Variants in MAGI2 observed in about 807,000 individuals in gnomAD.
MAGI2 encodes membrane associated guanylate kinase, WW and PDZ domain containing 2.
Under a neutral mutation model 133.3 loss-of-function variants are expected in MAGI2, and 35 were observed. The observed-to-expected ratio is 0.26, with a 90% CI of 0.20 to 0.35. The LOEUF is 0.35. Among genes scored for constraint, MAGI2 ranks in the 10% least tolerant of loss-of-function variants. The pLI is 1.00. For missense variants in MAGI2, 1,636 were observed against 1,863.4 expected (o/e 0.88, Z 2.25); for synonymous variants, 729 against 710.6 (o/e 1.03, Z -0.41).
Position 78,520,276 on chromosome 7 carries a change from C to A in MAGI2, c.754+1154G>T, listed in dbSNP as rs146296528. ...TTCATCTTATGTTCAATGAAGAACA[C>A]CTTTATAGGCATTTTGAAAAAGGAA... On this transcript the variant is annotated intron_variant, in intron 4 of 21. Transcript: ENST00000354212. Among the ~76,000 whole-genome samples, 200 of 152,192 alleles carry A rather than the reference C, an allele frequency of 1.3e-3. 1 individual carries two copies. Among genetic ancestry groups the A allele is most frequent in the African/African-American group, 4.6e-3 (190 of 41,538 alleles).
At chr7:78,029,924 A>C (rs3807797) in intron 21 of MAGI2, among the ~76,000 whole-genome samples, 101,066 of 152,072 alleles carry the variant, frequency 0.66, 36,497 homozygotes, top group Non-Finnish European at 0.83. Context: ...GGAAGGACAG[A>C]CTTTACCTTT....
chr7:78,268,341 C>T (rs1047279870), intron 9 of MAGI2, among the ~76,000 whole-genome samples: 1 of 152,016 alleles, frequency 6.6e-6, no homozygotes, highest in African/African-American at 2.4e-5. Context: ...CTAATTAAAT[C>T]CTTTCTACTG....
chr7:78,420,034 A>C (rs1798655039), intron 6 of MAGI2, among the ~76,000 whole-genome samples: 1 of 152,126 alleles, frequency 6.6e-6, no homozygotes, highest in African/African-American at 2.4e-5. Flanking sequence ...GTTACTTTGG[A>C]GTTCCTGTTA....
chr7:79,168,935 A>C (rs1461720084), intron 1 of MAGI2, among the ~76,000 whole-genome samples: 2 of 117,874 alleles, frequency 1.7e-5, no homozygotes, highest in Admixed American at 1.8e-4. Context: ...TATATATATA[A>C]ATTTTTTTTC....
chr7:78,393,904 C>T (rs1172342982), intron 6 of MAGI2, among the ~76,000 whole-genome samples: 1 of 152,122 alleles, frequency 6.6e-6, no homozygotes, highest in Non-Finnish European at 1.5e-5. Context: ...GGAGGATAAA[C>T]TGGGGAAGTA....
chr7:79,443,285 C>CGTGTGCGTGTGT (rs1554486116), intron 1 of MAGI2, among the ~76,000 whole-genome samples: 2 of 139,326 alleles, frequency 1.4e-5, no homozygotes, highest in Non-Finnish European at 3.0e-5. Flanking sequence ...TGTGTGTGTG[C>CGTGTGCGTGTGT]GTGTGTGTGT....
At chr7:78,600,371 G>A (rs926145168) in intron 3 of MAGI2, among the ~76,000 whole-genome samples, 2 of 152,068 alleles carry the variant, frequency 1.3e-5, no homozygotes, top group Admixed American at 1.3e-4. Context: ...GAAATCTAGA[G>A]CCTGCATACA....
Position 79,046,902 on chromosome 7 carries a change from T to C in MAGI2, c.302-39696A>G, listed in dbSNP as rs187634311. ...TTATAAGATTCAGCATGTTTCATAA[T>C]ATCCAATTATGTGTTTCATGAAATG... On this transcript the variant is annotated intron_variant, in intron 1 of 21. Transcript: ENST00000354212. Among the ~76,000 whole-genome samples, 326 of 152,366 alleles carry C rather than the reference T, an allele frequency of 2.1e-3. 1 individual carries two copies. Among genetic ancestry groups the C allele is most frequent in the Middle Eastern group, 0.014 (4 of 294 alleles).
chr7:78,473,813 AG>A (rs1316056779), intron 6 of MAGI2, among the ~76,000 whole-genome samples: 1 of 152,070 alleles, frequency 6.6e-6, no homozygotes, highest in Admixed American at 6.6e-5. Context: ...ACTCATAGAA[AG>A]CTCTAAGTCA....
At chr7:78,183,393 G>A (rs1351662487) in intron 13 of MAGI2, among the ~76,000 whole-genome samples, 1 of 151,332 alleles carries the variant, frequency 6.6e-6, no homozygotes, top group East Asian at 1.9e-4. Flanking sequence ...AGCTTCCCGA[G>A]TAGCTGGGAC....
chr7:78,438,436 T>A (rs1787272174), intron 6 of MAGI2, among the ~76,000 whole-genome samples: 1 of 152,058 alleles, frequency 6.6e-6, no homozygotes, highest in Non-Finnish European at 1.5e-5. Flanking sequence ...CTGGTACGAG[T>A]TCCCTGGCTA....
chr7:78,651,430 C>T (rs1811559315), intron 2 of MAGI2, among the ~76,000 whole-genome samples: 1 of 151,958 alleles, frequency 6.6e-6, no homozygotes, highest in African/African-American at 2.4e-5. Flanking sequence ...TTCAGCGCAC[C>T]CACTGAAGCA....
chr7:79,117,476 A>C (rs1819507778), intron 1 of MAGI2, among the ~76,000 whole-genome samples: 1 of 152,168 alleles, frequency 6.6e-6, no homozygotes, highest in South Asian at 2.1e-4. Flanking sequence ...AATACTAAAC[A>C]GTTTGAAATC....
At chr7:78,320,538 T>A (rs998570227) in intron 9 of MAGI2, among the ~76,000 whole-genome samples, 2 of 152,130 alleles carry the variant, frequency 1.3e-5, no homozygotes, top group South Asian at 2.1e-4. Flanking sequence ...ATTATCTCAA[T>A]AGATGCAGAA....
chr7:78,051,016 C>T (rs1811951467), intron 21 of MAGI2, among the ~76,000 whole-genome samples: 1 of 152,214 alleles, frequency 6.6e-6, no homozygotes, highest in Admixed American at 6.5e-5. Context: ...CAAAGGCCAA[C>T]CCCCACCTGG....
At chr7:78,904,525 C>T (rs369341688) in intron 2 of MAGI2, among the ~76,000 whole-genome samples, 7 of 134,798 alleles carry the variant, frequency 5.2e-5, no homozygotes, top group East Asian at 4.5e-4. Context: ...TAACGCAGTT[C>T]TTTTTTTTTT....
chr7:78,352,399 C>A (rs10246357), intron 7 of MAGI2, among the ~76,000 whole-genome samples: 11,153 of 152,184 alleles, frequency 0.073, 443 homozygotes, highest in African/African-American at 0.1. Context: ...GGAAAAATGG[C>A]ATCTATTTTA....
chr7:78,944,442 C>T (rs1801241262), intron 2 of MAGI2, among the ~76,000 whole-genome samples: 2 of 152,048 alleles, frequency 1.3e-5, no homozygotes, highest in African/African-American at 4.8e-5. Flanking sequence ...CTCTGAGTAG[C>T]CAGTCACAAC....
chr7:78,298,535 A>G (rs1276598105), intron 9 of MAGI2, among the ~76,000 whole-genome samples: 1 of 152,066 alleles, frequency 6.6e-6, no homozygotes, highest in African/African-American at 2.4e-5. Flanking sequence ...TGAGACAGAA[A>G]CTCTGTCACC....
Sources: gnomAD v4.1 joint callset for allele counts (sites outside exome capture counted in the v4.1 genomes callset) on GRCh38, gnomAD v4.1.1 for gene constraint, MANE v1.5 for transcripts, NCBI Gene and HGNC (gene_info 2026-07-23, HGNC 2026-07-21) for gene names.